NRXN1: variants seen among roughly 807,000 people sequenced by gnomAD.
NRXN1 encodes neurexin-1.
NRXN1 carries 39 observed loss-of-function variants against 150.9 expected under a neutral mutation model. The ratio of observed to expected loss-of-function variants is 0.26; its 90% CI spans 0.20 to 0.34. NRXN1 has a LOEUF of 0.34. Among genes scored for constraint, NRXN1 ranks in the 10% least tolerant of loss-of-function variants. The pLI is 1.00. For synonymous variants in NRXN1, 924 were observed against 757.0 expected, an observed-to-expected ratio of 1.22 and a Z score of -3.62; for missense variants, 1,815 against 1,949.9, an observed-to-expected ratio of 0.93 and a Z score of 1.30.
At chr2:50,921,616 A>C (rs532279282) in intron 5 of NRXN1, among the ~76,000 whole-genome samples, 1 of 151,774 alleles carries the variant, frequency 6.6e-6, no homozygotes, top group East Asian at 1.9e-4. Flanking sequence ...CTTGTAGCTA[A>C]TTTCTAAATA....
chr2:50,818,955 A>G (rs1669314088), intron 5 of NRXN1, among the ~76,000 whole-genome samples: 1 of 152,044 alleles, frequency 6.6e-6, no homozygotes, highest in South Asian at 2.1e-4. Context: ...TCAAAACCAC[A>G]AGGAGGAGGG....
chr2:49,943,076 G>C (rs1038855149), intron 22 of NRXN1, among the ~76,000 whole-genome samples: 5 of 152,088 alleles, frequency 3.3e-5, no homozygotes, highest in African/African-American at 1.2e-4. Context: ...AATGGTATAA[G>C]GGCTGTATGG....
intron 18 of NRXN1, among the ~76,000 whole-genome samples, chr2:50,158,121 A>C (rs556468698): frequency 6.8e-6 from 1 of 146,360 alleles, no homozygotes; most frequent in South Asian, 2.2e-4. Context: ...GGGGAGTCAA[A>C]TTAGAGGAAG....
chr2:50,575,566 A>G (rs866185545), intron 8 of NRXN1, among the ~76,000 whole-genome samples: 1 of 152,202 alleles, frequency 6.6e-6, no homozygotes, highest in Non-Finnish European at 1.5e-5. Flanking sequence ...TTATTGCCTA[A>G]TTTTATTAGA....
chr2:50,822,011 T>C (rs1416065876), intron 5 of NRXN1, among the ~76,000 whole-genome samples: 1 of 152,138 alleles, frequency 6.6e-6, no homozygotes, highest in African/African-American at 2.4e-5. Flanking sequence ...TAGGAAAACA[T>C]TTTAAACACT....
chr2:50,593,282 G>T (rs764911504), intron 8 of NRXN1, among the ~76,000 whole-genome samples: 5 of 152,160 alleles, frequency 3.3e-5, no homozygotes, highest in African/African-American at 1.2e-4. Context: ...AGTCAGCCCA[G>T]CTCCACCTCA....
chr2:50,218,787 T>C (rs1038896266), intron 18 of NRXN1, among the ~76,000 whole-genome samples: 1 of 151,980 alleles, frequency 6.6e-6, no homozygotes, highest in African/African-American at 2.4e-5. Context: ...TTATCTGAGA[T>C]AGAAAAACTT....
intron 8 of NRXN1, among the ~76,000 whole-genome samples, chr2:50,574,716 G>T (rs1191390275): frequency 6.6e-6 from 1 of 152,150 alleles, no homozygotes; most frequent in African/African-American, 2.4e-5. Context: ...ATGCTGTCAG[G>T]ATTTGCATTG....
chr2:50,120,681 T>G (rs2152735801), intron 18 of NRXN1, among the ~76,000 whole-genome samples: 1 of 152,306 alleles, frequency 6.6e-6, no homozygotes, highest in South Asian at 2.1e-4. Context: ...ATAATAGTAC[T>G]TAGTCTCTAT....
rs139895270 is a variant in NRXN1, at chr2:50,305,107, G to A, written c.3365-68137C>T. Among the ~76,000 whole-genome samples, 732 of 151,968 alleles carry A rather than the reference G, an allele frequency of 4.8e-3. 7 individuals are homozygous for A. Among genetic ancestry groups the A allele is most frequent in the African/African-American group, 0.017 (688 of 41,432 alleles). ...TGTCTTGTAGGGGGTGGGATGGGGCGGAAAAGGTACTCACTAGTTTATTAA... is the reference window on the plus strand; with the variant it reads ...TGTCTTGTAGGGGGTGGGATGGGGCAGAAAAGGTACTCACTAGTTTATTAA... On this transcript the variant is annotated intron_variant, in intron 17 of 22. Transcript: ENST00000401669.
chr2:49,923,907 C>G (rs1206947736), intron 22 of NRXN1, among the ~76,000 whole-genome samples: 5 of 152,158 alleles, frequency 3.3e-5, no homozygotes, highest in Non-Finnish European at 5.9e-5. Flanking sequence ...CAAAAGCCCA[C>G]GGAGTGTGGC....
chr2:51,003,615 T>C (rs1034852384), intron 2 of NRXN1, among the ~76,000 whole-genome samples: 1 of 151,952 alleles, frequency 6.6e-6, no homozygotes, highest in African/African-American at 2.4e-5. Context: ...GGGCAAAAGA[T>C]AATCAGATAA....
intron 21 of NRXN1, among the ~76,000 whole-genome samples, chr2:50,011,382 GA>G (rs1446526356): frequency 6.6e-6 from 1 of 152,090 alleles, no homozygotes; most frequent in African/African-American, 2.4e-5. Context: ...CAGATACACA[GA>G]AATAAACATG....
In NRXN1 at chr2:50,589,456, A is replaced by C. The variant is rs911606038; in HGVS notation, c.1320+30566T>G. On this transcript the variant is annotated intron_variant, in intron 8 of 22. Coordinates refer to ENST00000401669, the MANE Select transcript of NRXN1 (RefSeq NM_001330078.2). Reference sequence around the variant, plus strand: ...ACTGCAACCTCCCCATCCTGGGCTCAAGTGAGCCTCTCTCCTCAGCCTCCT... The same window carrying C: ...ACTGCAACCTCCCCATCCTGGGCTCCAGTGAGCCTCTCTCCTCAGCCTCCT... The C allele has an allele frequency of 2.0e-5, 3 of 151,228 alleles. No individual in the cohort carries two copies. In the Admixed American group the frequency reaches 2.0e-4, roughly 10 times the overall value. 9.4% of individuals were successfully genotyped at this position (151,228 alleles called of 1,614,324 possible). A position where few individuals can be genotyped will look rare whatever the true frequency, so the allele number is the denominator to read the frequency against.
intron 15 of NRXN1, among the ~76,000 whole-genome samples, chr2:50,473,873 G>C (rs1293790420): frequency 6.6e-6 from 1 of 151,934 alleles, no homozygotes; most frequent in African/African-American, 2.4e-5. Context: ...TCAAACCACA[G>C]ATATAACACT....
intron 17 of NRXN1, among the ~76,000 whole-genome samples, chr2:50,438,707 A>T (rs192384595): frequency 4.0e-4 from 61 of 152,370 alleles, no homozygotes; most frequent in African/African-American, 1.4e-3. Flanking sequence ...TTTACTGGAG[A>T]ATAAAAACGA....
At chr2:50,292,380 C>G (rs1452661498) in intron 17 of NRXN1, among the ~76,000 whole-genome samples, 1 of 152,106 alleles carries the variant, frequency 6.6e-6, no homozygotes, top group African/African-American at 2.4e-5. Context: ...CTTCCTGGCT[C>G]TTTGGAGAAA....
intron 18 of NRXN1, among the ~76,000 whole-genome samples, chr2:50,099,109 T>G (rs923940546): frequency 6.6e-6 from 1 of 152,060 alleles, no homozygotes; most frequent in African/African-American, 2.4e-5. Flanking sequence ...GCAGCGATAT[T>G]AACTTCCTGG....
chr2:50,439,306 T>C (rs1023068400), intron 17 of NRXN1, among the ~76,000 whole-genome samples: 1 of 152,228 alleles, frequency 6.6e-6, no homozygotes, highest in East Asian at 1.9e-4. Context: ...TAGACAACAG[T>C]GCACTAAGTT....
Sources: gnomAD v4.1 joint callset for allele counts (sites outside exome capture counted in the v4.1 genomes callset) on GRCh38, gnomAD v4.1.1 for gene constraint, MANE v1.5 for transcripts, NCBI Gene and HGNC (gene_info 2026-07-23, HGNC 2026-07-21) for gene names.